PITPNM1: variants seen among roughly 807,000 people sequenced by gnomAD.
PITPNM1 encodes the protein membrane-associated phosphatidylinositol transfer protein 1.
A neutral mutation model predicts 133.3 loss-of-function variants in PITPNM1; 74 were observed. The observed-to-expected ratio is 0.56, with a 90% CI of 0.46 to 0.67. The LOEUF (loss-of-function observed/expected upper bound fraction) is 0.67, where lower values mean the gene tolerates loss of function less well. Among genes scored for constraint, PITPNM1 ranks in the 30% least tolerant of loss-of-function variants. PITPNM1 has a pLI of 0.00. For synonymous variants in PITPNM1, 738 were observed against 741.4 expected (o/e 1.00, Z 0.08); for missense variants, 1,398 against 1,739.5 (o/e 0.80, Z 3.49).
chr11:67,497,153 G>A (rs1379123191), intron 14 of PITPNM1, 78 bp downstream of exon 14: 1 of 1,227,668 alleles, frequency 8.1e-7, no homozygotes, highest in Non-Finnish European at 1.1e-6. Flanking sequence ...TGCCTCGGAT[G>A]AGAGGGAAGG....
In PITPNM1 at chr11:67,494,963, G is replaced by A. The variant is rs201226579; in HGVS notation, c.2632-7C>T. 7 of 1,611,546 alleles carry A rather than the reference G, an allele frequency of 4.3e-6. No individual in the cohort carries two copies. The highest frequency in any genetic ancestry group is 1.3e-5 in the African/African-American group (1 of 74,970). On this transcript the variant is annotated splice_region_variant and splice_polypyrimidine_tract_variant and intron_variant, in intron 17 of 23. Coordinates refer to ENST00000356404, the MANE Select transcript of PITPNM1 (RefSeq NM_004910.3). ...GCCGCTCCTTCTCGATCACCTGCAC[G>A]GGACAGGGGGCGAGGCCTCTGTCTC...
intron 2 of PITPNM1, among the ~76,000 whole-genome samples, chr11:67,503,329 CG>C (rs1416686866): frequency 2.0e-5 from 3 of 152,170 alleles, no homozygotes; most frequent in Admixed American, 2.0e-4. Flanking sequence ...GCAAGGAGGC[CG>C]GGGTGGCTGG....
intron 19 of PITPNM1, 34 bp from the exon 20 acceptor site, chr11:67,494,104 G>A (rs1866027581): frequency 6.3e-7 from 1 of 1,596,034 alleles, no homozygotes; most frequent in Non-Finnish European, 8.6e-7. Flanking sequence ...GTAAATGGGG[G>A]CCCTGCGTGG....
In PITPNM1 at chr11:67,498,740, T is replaced by A. The variant is rs1405085311; in HGVS notation, c.1340A>T (p.Asn447Ile). ...NILDSGPGDA[N>I]SKQADVQTLS... ...CGTCTGCACATCCGCCTGCTTGGAG[T>A]TGGCGTCTCCAGGGCCTGAGTCCAG... Residue 447 changes from asparagine to isoleucine, a missense_variant, in exon 10 of 24, where the codon AAC (asparagine) becomes ATC (isoleucine). This residue lies in a region of PITPNM1 where 574 missense variants were observed against 698.7 expected (regional missense o/e 0.82). Transcript: ENST00000356404. The surrounding 1 kb of genome is among the most constrained non-coding windows in gnomAD (Gnocchi z 5.7). The A allele has an allele frequency of 6.2e-7, 1 of 1,610,546 alleles. No homozygotes were observed. The highest frequency in any genetic ancestry group is 1.3e-5 in the African/African-American group (1 of 74,822).
chr11:67,495,101 G>C lies in PITPNM1; in HGVS notation c.2607C>G (p.Asp869Glu). The C allele has an allele frequency of 6.2e-7, 1 of 1,612,716 alleles. No individual in the cohort carries two copies. Among genetic ancestry groups the C allele is most frequent in the Non-Finnish European group, 8.5e-7 (1 of 1,179,874 alleles). The stretch of plus-strand genomic sequence containing the variant: ...CCTGGCGCAGGATGAACGCCACCAC[G>C]TCGGCGGACTCCCAGTAGCTGGCGT... ...LFHASYWESA[D>E]VVAFILRQVI... The change falls in exon 17 of 24, where the codon GAC becomes GAG. Residue 869 changes from aspartate to glutamate, a missense_variant. By Grantham distance (45) the Asp-to-Glu change is conservative. This residue lies in a region of PITPNM1 where 574 missense variants were observed against 698.7 expected (regional missense o/e 0.82). Coordinates refer to ENST00000356404, the MANE Select transcript of PITPNM1 (RefSeq NM_004910.3).
chr11:67,501,874 T>C lies in PITPNM1; in HGVS notation c.628A>G (p.Ile210Val). ...GCTGGGTGCTCACCTACATCATGGATGAACTGCTCGATCTTGGCTTGCATG... is the reference window on the plus strand; with the variant it reads ...GCTGGGTGCTCACCTACATCATGGACGAACTGCTCGATCTTGGCTTGCATG... ...WGMQAKIEQF[I>V]HDVGLRRVML... Residue 210 changes from isoleucine (I) to valine (V), a missense_variant, in exon 5 of 24, where the codon ATC (isoleucine) becomes GTC (valine). By Grantham distance (29) the Ile-to-Val change is conservative. Around this residue, in one of 5 missense-constraint regions of PITPNM1, gnomAD observed 274 missense variants for 360.7 expected, o/e 0.76. Transcript: ENST00000356404. 6.2e-7 allele frequency: 1 copy of C among 1,613,688 alleles called. No individual in the cohort carries two copies. Among genetic ancestry groups the C allele is most frequent in the Non-Finnish European group, 8.5e-7 (1 of 1,179,990 alleles).
intron 17 of PITPNM1, 56 bp downstream of exon 17, chr11:67,495,021 C>G (rs1866070448): frequency 6.2e-7 from 1 of 1,606,770 alleles, no homozygotes; most frequent in African/African-American, 1.3e-5. Context: ...TCCCCCGGCC[C>G]AAAGCAGCCC....
intron 17 of PITPNM1, 50 bp downstream of exon 17, chr11:67,495,027 A>T: frequency 6.2e-7 from 1 of 1,605,444 alleles, no homozygotes; most frequent in Non-Finnish European, 8.5e-7. Flanking sequence ...GGCCCAAAGC[A>T]GCCCATCCCC....
In PITPNM1 at chr11:67,502,834, C is replaced by T. The variant is rs763474831; in HGVS notation, c.79-116G>A. The T allele has an allele frequency of 1.1e-5, 11 of 1,019,108 alleles. No individual in the cohort carries two copies. The highest frequency in any genetic ancestry group is 1.6e-5 in the Non-Finnish European group (11 of 696,790). The allele number at this position is 1,019,108 out of a possible 1,614,324, so 63.1% of individuals were successfully genotyped here. Reference sequence around the variant, plus strand: ...GGCCCTGGTCCCAGCCTTTTCAACTCCCTGAAACCAGACCCCGCCCCACCA... The same window carrying T: ...GGCCCTGGTCCCAGCCTTTTCAACTTCCTGAAACCAGACCCCGCCCCACCA... On this transcript the variant is annotated intron_variant, in intron 2 of 23. Coordinates refer to ENST00000356404, the MANE Select transcript of PITPNM1 (RefSeq NM_004910.3). This position sits in a 1 kb window ranked among gnomAD's most constrained non-coding sequence, Gnocchi z 5.9.
intron 19 of PITPNM1, 22 bp downstream of exon 19, chr11:67,494,222 G>T: frequency 1.2e-6 from 2 of 1,602,524 alleles, no homozygotes; most frequent in South Asian, 2.2e-5. Context: ...GGGACCAGGC[G>T]ACAGGGCCTC....
In PITPNM1 at chr11:67,495,448, C is replaced by T. The variant is rs1866088003; in HGVS notation, c.2472G>A (p.Glu824=). ...AQPAAPSTTS[E]VVKILERWWG... ...GGCTGGCTGACTTACTCTTAACCAC[C>T]TCACTGGTGGTGCTGGGGGCGGCTG... Residue 824 remains glutamate, a synonymous_variant, in exon 16 of 24, where the codon GAG becomes GAA. Transcript: ENST00000356404. 2.6e-6 allele frequency: 4 copies of T among 1,520,596 alleles called. No homozygotes were observed. Among genetic ancestry groups the T allele is most frequent in the South Asian group, 1.3e-5 (1 of 79,574 alleles). The allele number at this position is 1,520,596 out of a possible 1,614,324, so 94.2% of individuals were successfully genotyped here.
intron 15 of PITPNM1, 66 bp from the exon 16 acceptor site, chr11:67,495,668 C>A: frequency 7.1e-7 from 1 of 1,405,094 alleles, no homozygotes; most frequent in Non-Finnish European, 9.4e-7. Context: ...TCACCCAGGG[C>A]TCCCCGCACC....
Position 67,502,504 on chromosome 11 carries a change from C to T in PITPNM1, c.293G>A (p.Arg98Gln), listed in dbSNP as rs1434585703. The change falls in exon 3 of 24, where the codon CGG (arginine) becomes CAG (glutamine). Residue 98 changes from arginine (R) to glutamine (Q), a missense_variant and splice_region_variant. This residue lies in a region of PITPNM1 where 274 missense variants were observed against 360.7 expected (regional missense o/e 0.76). Transcript: ENST00000356404. This position sits in a 1 kb window ranked among gnomAD's most constrained non-coding sequence, Gnocchi z 5.9. ...GACCATGCCCAGCTCACCCACTCAC[C>T]GGGTTCGGGTGTAGGGGTAGGCATT... is the stretch of plus-strand genomic sequence containing the variant. ...SWNAYPYTRT[R>Q]YTCPFVEKFS... 9.3e-6 allele frequency: 15 copies of T among 1,613,628 alleles called. No individual in the cohort carries two copies. Among genetic ancestry groups the T allele is most frequent in the African/African-American group, 1.3e-5 (1 of 74,948 alleles).
rs1591055803 is a variant in PITPNM1, at chr11:67,495,584, T to G, written c.2336A>C (p.His779Pro). The change falls in exon 16 of 24, where the codon CAC becomes CCC. Residue 779 changes from histidine (H) to proline (P), a missense_variant. His to Pro is a moderately conservative substitution (Grantham distance 77, BLOSUM62 -2). This residue lies in a region of PITPNM1 where 574 missense variants were observed against 698.7 expected (regional missense o/e 0.82). Transcript: ENST00000356404. ...SLLLADTLQT[H>P]SSLFLEELEM... ...CAGCTCCTCCAGAAAGAGGCTGGAG[T>G]GCGTCTGCAGAGTGTCGGCTGGGGG... 6.3e-7 allele frequency: 1 copy of G among 1,579,272 alleles called. No homozygotes were observed. The highest frequency in any genetic ancestry group is 1.2e-5 in the South Asian group (1 of 86,670).
Position 67,502,962 on chromosome 11 carries a change from A to T in PITPNM1, c.79-244T>A, listed in dbSNP as rs1345188220. On this transcript the variant is annotated intron_variant, in intron 2 of 23. Transcript: ENST00000356404. This position sits in a 1 kb window ranked among gnomAD's most constrained non-coding sequence, Gnocchi z 5.9. Reference sequence around the variant, plus strand: ...CAAGTATTCATTGAGTGTCTGCTCCACTCCAGGCAGTGTTTGGGATTATAT... The same window carrying T: ...CAAGTATTCATTGAGTGTCTGCTCCTCTCCAGGCAGTGTTTGGGATTATAT... Among the ~76,000 whole-genome samples, 2 of 152,058 alleles carry T rather than the reference A, an allele frequency of 1.3e-5. No homozygotes were observed. Among genetic ancestry groups the T allele is most frequent in the East Asian group, 3.9e-4 (2 of 5,184 alleles).
intron 2 of PITPNM1, 181 bp downstream of exon 2, chr11:67,503,922 G>A (rs1866409722): frequency 7.6e-6 from 4 of 524,870 alleles, no homozygotes; most frequent in Non-Finnish European, 1.4e-5. Context: ...GCACTTAGCG[G>A]ATGGGAAGCA....
rs903498982 is a variant in PITPNM1 at position 67,494,662 on chromosome 11, C to G, written c.2742+184G>C. 5.4e-5 allele frequency among the ~76,000 whole-genome samples: 8 copies of G among 147,220 alleles called. No homozygotes were observed. The East Asian group carries it at 1.1e-3, about 20-fold the overall frequency. Reference sequence around the variant, plus strand: ...TTCCCGCAGAGGGCGGGGAGACCAGCGGTTCCCAGGGGCGGGGCTGGGGCA... The same window carrying G: ...TTCCCGCAGAGGGCGGGGAGACCAGGGGTTCCCAGGGGCGGGGCTGGGGCA... On this transcript the variant is annotated intron_variant, in intron 18 of 23. Transcript: ENST00000356404.
In PITPNM1 at chr11:67,497,911, A is replaced by G; in HGVS notation, c.1782+6T>C. ...TCCTGAGGAGGCCGGGTTTGGCTAT[A>G]CTGACCATGCTCCCACGGCGGCTGC... On this transcript the variant is annotated splice_donor_region_variant and intron_variant, in intron 12 of 23. Coordinates refer to ENST00000356404, the MANE Select transcript of PITPNM1 (RefSeq NM_004910.3). The G allele has an allele frequency of 6.2e-7, 1 of 1,610,086 alleles. No individual in the cohort carries two copies.
rs752936854 is a variant in PITPNM1 at position 67,502,473 on chromosome 11, G to T, written c.293+31C>A. On this transcript the variant is annotated intron_variant, in intron 3 of 23. Transcript: ENST00000356404. The surrounding 1 kb of genome is among the most constrained non-coding windows in gnomAD (Gnocchi z 5.9). Reference sequence around the variant, plus strand: ...ACCCACCAGGGCCGCTCCCCTCCTGGCCTCGGACCATGCCCAGCTCACCCA... The same window carrying T: ...ACCCACCAGGGCCGCTCCCCTCCTGTCCTCGGACCATGCCCAGCTCACCCA... The T allele has an allele frequency of 6.8e-6, 11 of 1,613,412 alleles. No homozygotes were observed. The highest frequency in any genetic ancestry group is 9.3e-6 in the Non-Finnish European group (11 of 1,179,920).
Sources: allele counts gnomAD v4.1 joint callset (sites outside exome capture counted in the v4.1 genomes callset), GRCh38; gene constraint gnomAD v4.1.1; regional missense constraint gnomAD v4.1.1; non-coding constraint Gnocchi (gnomAD v3.1); transcripts MANE v1.5; gene names NCBI Gene and HGNC (gene_info 2026-07-23, HGNC 2026-07-21).